The following UVRAG variants were observed in gnomAD, a reference collection of about 807,000 sequenced individuals.
UVRAG encodes the protein UV radiation resistance associated.
Under a neutral mutation model 78.0 loss-of-function variants are expected in UVRAG, and 19 were observed. The observed-to-expected ratio is 0.24, with a 90% CI of 0.17 to 0.36. The LOEUF (loss-of-function observed/expected upper bound fraction) is 0.36. Among genes scored for constraint, UVRAG ranks in the 10% least tolerant of loss-of-function variants. The probability of loss-of-function intolerance (pLI) is 1.00; values close to 1 mark genes in which losing one functional copy is unlikely to be tolerated. For synonymous variants in UVRAG, 323 were observed against 324.6 expected, an observed-to-expected ratio of 1.00 and a Z score of 0.05; for missense variants, 740 against 853.8, an observed-to-expected ratio of 0.87 and a Z score of 1.66.
intron 6 of UVRAG, among the ~76,000 whole-genome samples, chr11:75,918,611 G>T (rs993851682): frequency 3.9e-5 from 6 of 151,990 alleles, no homozygotes; most frequent in African/African-American, 1.4e-4. Flanking sequence ...GTTCTTCATT[G>T]TCTGATTTTC....
chr11:75,985,006 A>G (rs1371901442), intron 8 of UVRAG, among the ~76,000 whole-genome samples: 1 of 152,130 alleles, frequency 6.6e-6, no homozygotes, highest in African/African-American at 2.4e-5. Flanking sequence ...GTTGAGTAGA[A>G]ACTGAGGAGT....
chr11:76,084,154 A>T (rs552275094), intron 13 of UVRAG, among the ~76,000 whole-genome samples: 1 of 152,348 alleles, frequency 6.6e-6, no homozygotes, highest in South Asian at 2.1e-4. Context: ...AGACATCATC[A>T]TCAAGCCCCA....
chr11:75,815,723 C>T (rs918678055), intron 1 of UVRAG, among the ~76,000 whole-genome samples, 199 bp downstream of exon 1: 1 of 152,214 alleles, frequency 6.6e-6, no homozygotes, highest in East Asian at 1.9e-4. Flanking sequence ...TCCCGGAGTC[C>T]TAGGAGAATC....
intron 7 of UVRAG, among the ~76,000 whole-genome samples, chr11:75,966,404 G>C (rs992911905): frequency 6.6e-6 from 1 of 152,184 alleles, no homozygotes; most frequent in Non-Finnish European, 1.5e-5. Flanking sequence ...GGTAAAATTA[G>C]TTGGGCAGTG....
intron 13 of UVRAG, among the ~76,000 whole-genome samples, chr11:76,103,250 C>T (rs1349872636): frequency 6.6e-6 from 1 of 152,056 alleles, no homozygotes; most frequent in African/African-American, 2.4e-5. Context: ...ATAAAATTAT[C>T]AAGGAATTAA....
intron 2 of UVRAG, among the ~76,000 whole-genome samples, chr11:75,855,600 T>C (rs557635734): frequency 1.3e-5 from 2 of 152,336 alleles, no homozygotes; most frequent in South Asian, 4.1e-4. Context: ...ACGTGAATAT[T>C]TGATGATCAT....
chr11:76,119,495 T>A (rs1591258678), intron 14 of UVRAG, among the ~76,000 whole-genome samples: 1 of 152,164 alleles, frequency 6.6e-6, no homozygotes, highest in Non-Finnish European at 1.5e-5. Flanking sequence ...ACTCTGCCCC[T>A]GGGAGTATTA....
chr11:76,050,001 TATAG>T (rs1340753676), intron 12 of UVRAG, among the ~76,000 whole-genome samples: 1 of 152,176 alleles, frequency 6.6e-6, no homozygotes, highest in Non-Finnish European at 1.5e-5. Context: ...GCTAGGATTG[TATAG>T]ATAAAGTATA....
chr11:75,935,117 C>G (rs949642583), intron 6 of UVRAG: 7 of 147,660 alleles, frequency 4.7e-5, no homozygotes, highest in African/African-American at 1.9e-4. Flanking sequence ...CTCTAGTGAT[C>G]ATCAACCTTT....
chr11:76,135,976 T>G (rs895326911), intron 14 of UVRAG, among the ~76,000 whole-genome samples: 7 of 152,342 alleles, frequency 4.6e-5, no homozygotes, highest in African/African-American at 1.7e-4. Flanking sequence ...TTGCATATGA[T>G]GAGTAAATTG....
intron 12 of UVRAG, among the ~76,000 whole-genome samples, chr11:76,033,258 A>G (rs1268018570): frequency 6.6e-6 from 1 of 152,194 alleles, no homozygotes; most frequent in East Asian, 1.9e-4. Context: ...CTCTTTTGGA[A>G]AGCAAAAATA....
At chr11:76,136,274 C>T (rs180960617) in intron 14 of UVRAG, among the ~76,000 whole-genome samples, 1 of 151,976 alleles carries the variant, frequency 6.6e-6, no homozygotes, top group Non-Finnish European at 1.5e-5. Context: ...TATTAAAAAT[C>T]TATGCATTAT....
intron 3 of UVRAG, among the ~76,000 whole-genome samples, chr11:75,875,369 T>C (rs1040827019): frequency 3.9e-5 from 6 of 152,186 alleles, no homozygotes; most frequent in Admixed American, 6.5e-5. Context: ...AGTATTTTCA[T>C]TGGGTGGATT....
intron 1 of UVRAG, among the ~76,000 whole-genome samples, chr11:75,821,943 T>G (rs942858215): frequency 5.8e-5 from 6 of 104,260 alleles, no homozygotes; most frequent in African/African-American, 1.1e-4. Context: ...TTATCACTGT[T>G]TTTTTTTTTT....
intron 1 of UVRAG, chr11:75,835,343 A>C (rs1395201576): frequency 3.3e-5 from 5 of 152,228 alleles, no homozygotes; most frequent in African/African-American, 9.6e-5. Flanking sequence ...ATTTCAAAAA[A>C]AACAGAGATG....
At chr11:76,061,605 AC>A (rs1417591629) in intron 12 of UVRAG, among the ~76,000 whole-genome samples, 1 of 151,564 alleles carries the variant, frequency 6.6e-6, no homozygotes, top group Non-Finnish European at 1.5e-5. Context: ...CAGACGCGCC[AC>A]CTTAAGAGCT....
In UVRAG at chr11:75,910,509, T is replaced by A. The variant is rs563490787; in HGVS notation, c.508-1445T>A. On this transcript the variant is annotated intron_variant, in intron 5 of 14. Transcript: ENST00000356136. ...TCCCCACCCCCCACTTTTTTTTTTTTAAGAAACATGACTATTTATTCCTTT... is the reference window on the plus strand; with the variant it reads ...TCCCCACCCCCCACTTTTTTTTTTTAAAGAAACATGACTATTTATTCCTTT... Among the ~76,000 whole-genome samples, 14 of 151,786 alleles carry A rather than the reference T, an allele frequency of 9.2e-5. No homozygotes were observed. The East Asian group carries it at 1.4e-3, about 15-fold the overall frequency.
chr11:75,961,207 C>G (rs983166783), intron 6 of UVRAG, among the ~76,000 whole-genome samples: 1 of 152,222 alleles, frequency 6.6e-6, no homozygotes, highest in East Asian at 1.9e-4. Context: ...AGTTCTTCAT[C>G]TTACCTCACA....
intron 12 of UVRAG, among the ~76,000 whole-genome samples, chr11:76,017,389 G>A (rs967063024): frequency 1.3e-5 from 2 of 152,098 alleles, no homozygotes; most frequent in Non-Finnish European, 2.9e-5. Context: ...GTAGATTAGT[G>A]AATTGGAAGA....
Sources: gnomAD v4.1 joint callset for allele counts (sites outside exome capture counted in the v4.1 genomes callset) on GRCh38, gnomAD v4.1.1 for gene constraint, MANE v1.5 for transcripts, NCBI Gene and HGNC (gene_info 2026-07-23, HGNC 2026-07-21) for gene names.